MBD5: variants seen among roughly 807,000 people sequenced by gnomAD.
MBD5 encodes methyl-CpG binding domain protein 5.
A neutral mutation model predicts 117.3 loss-of-function variants in MBD5; 13 were observed. The observed-to-expected ratio is 0.11, with a 90% CI of 0.07 to 0.18. MBD5 has a LOEUF of 0.18. Ranked by LOEUF, MBD5 falls within the 10% of genes least tolerant of loss-of-function variation. MBD5 has a pLI of 1.00. For missense variants in MBD5, 1,879 were observed against 2,093.8 expected, an observed-to-expected ratio of 0.90 and a Z score of 2.00; for synonymous variants, 727 against 766.4, an observed-to-expected ratio of 0.95 and a Z score of 0.85.
chr2:148,320,491 C>CTACA, intron 3 of MBD5, among the ~76,000 whole-genome samples: 1 of 152,156 alleles, frequency 6.6e-6, no homozygotes, highest in Non-Finnish European at 1.5e-5. Flanking sequence ...GTAGCTGGGA[C>CTACA]TACAGGTGCA....
intron 1 of MBD5, among the ~76,000 whole-genome samples, chr2:148,051,649 T>G (rs1480001200): frequency 3.3e-5 from 4 of 120,590 alleles, no homozygotes; most frequent in Non-Finnish European, 7.4e-5. Flanking sequence ...GTGTGTGTGT[T>G]GTCATGAAAG....
chr2:148,223,493 G>A (rs1699744301), intron 2 of MBD5, among the ~76,000 whole-genome samples: 1 of 151,976 alleles, frequency 6.6e-6, no homozygotes, highest in African/African-American at 2.4e-5. Flanking sequence ...TTGGTATGTT[G>A]TATTTTTCTA....
rs77447603 is a variant in MBD5, at chr2:148,368,257, A to T, written c.-557+25921A>T. Among the ~76,000 whole-genome samples, 911 of 152,268 alleles carry T rather than the reference A, an allele frequency of 6.0e-3. 7 individuals are homozygous for T. The highest frequency in any genetic ancestry group is 0.021 in the African/African-American group (861 of 41,534). On this transcript the variant is annotated intron_variant, in intron 4 of 13. Transcript: ENST00000642680. ...AACCAAACACCGCATGTTCTCACTC[A>T]TAAGTGGGAACCGTACAATGAGAAC...
intron 3 of MBD5, among the ~76,000 whole-genome samples, chr2:148,255,945 C>G (rs1314513818): frequency 6.6e-6 from 1 of 152,250 alleles, no homozygotes; most frequent in African/African-American, 2.4e-5. Context: ...GGTGACCATA[C>G]AGGGGACATA....
In MBD5 at chr2:148,469,292, T is replaced by C. The variant is rs774046815; in HGVS notation, c.1349T>C (p.Ile450Thr). 52 of 1,613,858 alleles carry C rather than the reference T, an allele frequency of 3.2e-5. No homozygotes were observed. The highest frequency in any genetic ancestry group is 4.4e-5 in the Non-Finnish European group (52 of 1,179,944). ...CCCGTGCACATGATGGGGACTGGAATTGGAAGGATTGAGGCATCGCCCCAA... is the reference window on the plus strand; with the variant it reads ...CCCGTGCACATGATGGGGACTGGAACTGGAAGGATTGAGGCATCGCCCCAA... ...TSPVHMMGTGIGRIEASPQRS... is the reference protein window; with the variant it reads ...TSPVHMMGTGTGRIEASPQRS... The change falls in exon 8 of 14, where the codon ATT becomes ACT. Residue 450 changes from isoleucine (I) to threonine (T), a missense_variant. Ile to Thr is a moderately conservative substitution (Grantham distance 89). Coordinates refer to ENST00000642680, the MANE Select transcript of MBD5 (RefSeq NM_001378120.1).
Position 148,458,708 on chromosome 2 carries a change from G to C in MBD5, c.-51G>C, listed in dbSNP as rs1706960857. On this transcript the variant is annotated 5_prime_UTR_variant, in exon 5 of 14. Transcript: ENST00000642680. The stretch of plus-strand genomic sequence containing the variant: ...AGGCCATCATGCTCTGTAATATAAG[G>C]ATATCATCTTATTGCTGATATCTTT... 1 of 1,471,498 alleles carries C rather than the reference G, an allele frequency of 6.8e-7. No homozygotes were observed. The allele number at this position is 1,471,498 out of a possible 1,614,324, so 91.2% of individuals were successfully genotyped here.
In MBD5 at chr2:148,132,349, T is replaced by C. The variant is rs199729069; in HGVS notation, c.-924-46351T>C. On this transcript the variant is annotated intron_variant, in intron 1 of 13. Transcript: ENST00000642680. ...ATATATACATATATATATATATATA[T>C]ACACATATATATATATATAGATGAT... Among the ~76,000 whole-genome samples, 421 of 53,248 alleles carry C rather than the reference T, an allele frequency of 7.9e-3. 3 individuals carry two copies. Among genetic ancestry groups the C allele is most frequent in the South Asian group, 0.042 (68 of 1,604 alleles). The allele number at this position is 53,248 out of a possible 152,430, so 34.9% of individuals were successfully genotyped here. A position where few individuals can be genotyped will look rare whatever the true frequency, so the allele number is the denominator to read the frequency against.
rs555177897 is a variant in MBD5, at chr2:148,483,092, T to G, written c.2519-18T>G. ...TGATTAATAACTGGGTTTTGTGTTT[T>G]TTTTTTTTTCATTTTAGGCGGTTCA... is the stretch of plus-strand genomic sequence containing the variant. On this transcript the variant is annotated intron_variant, in intron 8 of 13. Transcript: ENST00000642680. The G allele has an allele frequency of 8.6e-3, 13,838 of 1,604,372 alleles. 70 individuals carry two copies. The highest frequency in any genetic ancestry group is 0.011 in the Non-Finnish European group (12,790 of 1,178,082).
intron 3 of MBD5, among the ~76,000 whole-genome samples, chr2:148,285,798 A>G (rs940525201): frequency 6.6e-6 from 1 of 152,170 alleles, no homozygotes; most frequent in African/African-American, 2.4e-5. Flanking sequence ...AGCTCAAGCC[A>G]TCCACCCACC....
intron 3 of MBD5, among the ~76,000 whole-genome samples, chr2:148,251,385 A>T (rs1480588336): frequency 6.6e-6 from 1 of 152,200 alleles, no homozygotes; most frequent in Non-Finnish European, 1.5e-5. Flanking sequence ...TCCATGCATT[A>T]TGGGCTTACC....
intron 4 of MBD5, among the ~76,000 whole-genome samples, chr2:148,412,272 T>TTTTTTGTGTGTG (rs946184910): frequency 6.2e-5 from 9 of 144,586 alleles, no homozygotes; most frequent in African/African-American, 2.4e-4. Flanking sequence ...AGTATACTTT[T>TTTTTTGTGTGTG]TGTGTGTGTG....
chr2:148,276,040 G>A (rs1701104621), intron 3 of MBD5, among the ~76,000 whole-genome samples: 1 of 152,040 alleles, frequency 6.6e-6, no homozygotes, highest in Non-Finnish European at 1.5e-5. Flanking sequence ...GGCCAAGCAT[G>A]GTAGCTCATG....
chr2:148,225,882 T>C (rs1018444454), intron 2 of MBD5, among the ~76,000 whole-genome samples: 2 of 152,202 alleles, frequency 1.3e-5, no homozygotes, highest in African/African-American at 4.8e-5. Context: ...GATCCTTTCT[T>C]TATCCTTGAC....
chr2:148,411,467 G>A (rs1553512314), intron 4 of MBD5, among the ~76,000 whole-genome samples: 1 of 148,392 alleles, frequency 6.7e-6, no homozygotes, highest in Non-Finnish European at 1.5e-5. Flanking sequence ...GCCACCAGCA[G>A]TGTATAAGCA....
At chr2:148,162,018 A>AT (rs1698017235) in intron 1 of MBD5, among the ~76,000 whole-genome samples, 1 of 152,182 alleles carries the variant, frequency 6.6e-6, no homozygotes, top group Non-Finnish European at 1.5e-5. Flanking sequence ...ATCCCTTGCC[A>AT]TTTTGTGCAC....
In MBD5 at chr2:148,514,369, C is replaced by T. The variant is rs1559110988; in HGVS notation, c.*1428C>T. 6.6e-6 allele frequency: 1 copy of T among 152,200 alleles called. No homozygotes were observed. Among genetic ancestry groups the T allele is most frequent in the African/African-American group, 2.4e-5 (1 of 41,448 alleles). The allele number at this position is 152,200 out of a possible 1,614,324, so 9.4% of individuals were successfully genotyped here. A position where few individuals can be genotyped will look rare whatever the true frequency, so the allele number is the denominator to read the frequency against. On this transcript the variant is annotated 3_prime_UTR_variant, in exon 14 of 14. Transcript: ENST00000642680. ...AACATAATTTTCCGTCTTCTTCTCACAATTTTTGTGGTGGTGGTATTACCC... is the reference window on the plus strand; with the variant it reads ...AACATAATTTTCCGTCTTCTTCTCATAATTTTTGTGGTGGTGGTATTACCC...
At chr2:148,080,375 GA>G (rs928977494) in intron 1 of MBD5, among the ~76,000 whole-genome samples, 1 of 152,068 alleles carries the variant, frequency 6.6e-6, no homozygotes, top group Non-Finnish European at 1.5e-5. Flanking sequence ...TTCAAAAAAT[GA>G]TCTAGGAATA....
At chr2:148,035,602 G>C (rs1391834736) in intron 1 of MBD5, among the ~76,000 whole-genome samples, 1 of 152,122 alleles carries the variant, frequency 6.6e-6, no homozygotes, top group African/African-American at 2.4e-5. Context: ...TTACAGCATT[G>C]GTTTTGGTGA....
chr2:148,200,531 A>G (rs1463615458), intron 2 of MBD5, among the ~76,000 whole-genome samples: 1 of 151,988 alleles, frequency 6.6e-6, no homozygotes, highest in African/African-American at 2.4e-5. Context: ...CTCTGCTAAA[A>G]CTACAAAAAA....
Sources: allele counts gnomAD v4.1 joint callset (sites outside exome capture counted in the v4.1 genomes callset), GRCh38; gene constraint gnomAD v4.1.1; transcripts MANE v1.5; gene names NCBI Gene and HGNC (gene_info 2026-07-23, HGNC 2026-07-21).